The following SLCO2B1 variants were observed in gnomAD, a reference collection of about 807,000 sequenced individuals.
SLCO2B1 encodes the protein solute carrier organic anion transporter family member 2B1.
Under a neutral mutation model 67.3 loss-of-function variants are expected in SLCO2B1, and 41 were observed. The ratio of observed to expected loss-of-function variants is 0.61; its 90% CI spans 0.47 to 0.79. SLCO2B1 has a LOEUF of 0.79. SLCO2B1 is among the 30% of genes least tolerant of loss of function. SLCO2B1 has a pLI of 0.00. For synonymous variants in SLCO2B1, 379 were observed against 381.4 expected, an observed-to-expected ratio of 0.99 and a Z score of 0.07; for missense variants, 837 against 920.1, an observed-to-expected ratio of 0.91 and a Z score of 1.17.
chr11:75,159,800 G>A, intron 1 of SLCO2B1: 1 of 980,700 alleles, frequency 1.0e-6, no homozygotes, highest in Non-Finnish European at 1.2e-6. Context: ...ATCTCTAAAG[G>A]ATAAAGTACT....
intron 10 of SLCO2B1, among the ~76,000 whole-genome samples, chr11:75,197,822 T>C (rs1281885958): frequency 1.3e-5 from 2 of 152,186 alleles, no homozygotes; most frequent in African/African-American, 2.4e-5. Flanking sequence ...GAAGGCAATG[T>C]AATCAGCAGC....
intron 8 of SLCO2B1, among the ~76,000 whole-genome samples, chr11:75,190,736 G>T (rs1282829522): frequency 3.9e-5 from 6 of 152,166 alleles, no homozygotes; most frequent in Admixed American, 3.9e-4. Context: ...ATAGTCCCTA[G>T]ACTGAGGGAG....
Position 75,193,341 on chromosome 11 carries a change from G to T in SLCO2B1, c.1199G>T (p.Arg400Leu). 3 of 1,614,114 alleles carry T rather than the reference G, an allele frequency of 1.9e-6. No individual in the cohort carries two copies. The highest frequency in any genetic ancestry group is 2.5e-6 in the Non-Finnish European group (3 of 1,180,036). The change falls in exon 9 of 14, where the codon CGC becomes CTC. Residue 400 changes from arginine (R) to leucine (L), a missense_variant. By Grantham distance (102) the Arg-to-Leu change is moderately radical. Transcript: ENST00000289575. This position sits in a 1 kb window ranked among gnomAD's most constrained non-coding sequence, Gnocchi z 4.2. ...ACCTTCCTGCCCAAGTTCCTGGAGC[G>T]CCAGTTTTCCATCACAGCCTCCTAC... ...MATFLPKFLE[R>L]QFSITASYAN...
In SLCO2B1 at chr11:75,164,095, A is replaced by G. The variant is rs1431906824; in HGVS notation, c.280A>G (p.Asn94Asp). Residue 94 changes from asparagine (N) to aspartate (D), a missense_variant, in exon 3 of 14, where the codon AAC becomes GAC. Transcript: ENST00000289575. Reference protein sequence around the residue: ...SQTSGLLASFNEVGNTALIVF... With the variant: ...SQTSGLLASFDEVGNTALIVF... ...GACGTCGGGGCTGCTGGCCTCCTTC[A>G]ACGAGGTACAGGCCCCACCCAGCCA... 1 of 1,607,132 alleles carries G rather than the reference A, an allele frequency of 6.2e-7. No individual in the cohort carries two copies.
chr11:75,164,126 G>T (rs1949858288), intron 3 of SLCO2B1, 26 bp downstream of exon 3: 3 of 1,601,626 alleles, frequency 1.9e-6, no homozygotes, highest in South Asian at 1.1e-5. Context: ...AGCCACAGGG[G>T]TGGACACTGA....
chr11:75,200,588 G>T (rs1945167897), intron 11 of SLCO2B1: 2 of 516,060 alleles, frequency 3.9e-6, no homozygotes, highest in Admixed American at 3.7e-5. Flanking sequence ...AGAAAATTGA[G>T]GCTCAGAGAA....
intron 8 of SLCO2B1, among the ~76,000 whole-genome samples, chr11:75,190,373 C>G (rs1407682891): frequency 6.6e-6 from 1 of 152,222 alleles, no homozygotes; most frequent in East Asian, 1.9e-4. Flanking sequence ...CCTTGACCAC[C>G]TGGTGTCACA....
intron 1 of SLCO2B1, among the ~76,000 whole-genome samples, chr11:75,161,655 G>A (rs923062575): frequency 3.3e-5 from 5 of 152,312 alleles, no homozygotes; most frequent in East Asian, 1.9e-4. Context: ...AACTCCTGCC[G>A]GTGGTGAGAG....
intron 4 of SLCO2B1, among the ~76,000 whole-genome samples, chr11:75,168,839 C>T (rs1256913131): frequency 6.6e-6 from 1 of 152,196 alleles, no homozygotes; most frequent in Non-Finnish European, 1.5e-5. Context: ...CAAACTACAC[C>T]ACCTTTGACC....
At position 75,162,707 on chromosome 11, in the gene SLCO2B1, G is replaced by A; in HGVS notation, c.69G>A (p.Met23Ile). 6.2e-7 allele frequency: 1 copy of A among 1,613,664 alleles called. No individual in the cohort carries two copies. The highest frequency in any genetic ancestry group is 8.5e-7 in the Non-Finnish European group (1 of 1,179,922). Residue 23 changes from methionine (M) to isoleucine (I), a missense_variant, in exon 2 of 14, where the codon ATG (methionine) becomes ATA (isoleucine). Coordinates refer to ENST00000289575, the MANE Select transcript of SLCO2B1 (RefSeq NM_007256.5). The stretch of plus-strand genomic sequence containing the variant: ...CAGACAAGGAAACCAAAGCCACAAT[G>A]GGCACAGAAAACACACCTGGAGGCA... ...QVPDKETKAT[M>I]GTENTPGGKA...
intron 1 of SLCO2B1, among the ~76,000 whole-genome samples, chr11:75,156,551 G>A (rs1565530726): frequency 1.3e-5 from 2 of 152,174 alleles, no homozygotes; most frequent in South Asian, 2.1e-4. Flanking sequence ...ATTATCATGA[G>A]GAATGGATTG....
At chr11:75,167,763 G>C (rs1346923546) in intron 4 of SLCO2B1, among the ~76,000 whole-genome samples, 1 of 152,190 alleles carries the variant, frequency 6.6e-6, no homozygotes, top group East Asian at 1.9e-4. Flanking sequence ...TCACAAGTGA[G>C]GAAACCAAGG....
At chr11:75,198,812 G>C (rs1182969683) in intron 10 of SLCO2B1, among the ~76,000 whole-genome samples, 1 of 152,260 alleles carries the variant, frequency 6.6e-6, no homozygotes, top group Admixed American at 6.5e-5. Flanking sequence ...GAGTGCATGA[G>C]TGAATGAGGT....
At chr11:75,203,547 TTATA>T in intron 13 of SLCO2B1, 120 bp downstream of exon 13, 1 of 1,300,202 alleles carries the variant, frequency 7.7e-7, no homozygotes, top group South Asian at 1.3e-5. Flanking sequence ...ACAGGTGTCA[TTATA>T]TATTCAGTGC....
chr11:75,165,430 C>CAAA (rs56318055), intron 3 of SLCO2B1, among the ~76,000 whole-genome samples: 18 of 127,110 alleles, frequency 1.4e-4, no homozygotes, highest in African/African-American at 4.8e-4. Context: ...AATTCCGTCT[C>CAAA]AAAAAAAAAA....
rs1945061281 is a variant in SLCO2B1 at position 75,193,693 on chromosome 11, G to C, written c.1433+118G>C. On this transcript the variant is annotated intron_variant, in intron 9 of 13. Transcript: ENST00000289575. The surrounding 1 kb of genome is among the most constrained non-coding windows in gnomAD (Gnocchi z 4.2). ...CCCTGCCTCAAATCTTGCCTCCCCA[G>C]TTCTGCTTAACAGCCCTTTAGAGAT... The C allele has an allele frequency of 1.1e-6, 1 of 900,152 alleles. No homozygotes were observed. Among genetic ancestry groups the C allele is most frequent in the Non-Finnish European group, 1.6e-6 (1 of 607,606 alleles). 55.8% of individuals were successfully genotyped at this position (900,152 alleles called of 1,614,324 possible). A position where few individuals can be genotyped will look rare whatever the true frequency, so the allele number is the denominator to read the frequency against.
Position 75,169,329 on chromosome 11 carries a change from G to T in SLCO2B1, c.605G>T (p.Gly202Val). ...GTGGCACAGACCCTGCTGGGCGTGG[G>T]CGGGGTGCCCATTCAGCCCTTTGGC... ...MFVAQTLLGV[G>V]GVPIQPFGIS... Residue 202 changes from glycine (G) to valine (V), a missense_variant, in exon 5 of 14, where the codon GGC becomes GTC. Transcript: ENST00000289575. The T allele has an allele frequency of 6.2e-7, 1 of 1,614,074 alleles. No homozygotes were observed. Among genetic ancestry groups the T allele is most frequent in the Non-Finnish European group, 8.5e-7 (1 of 1,179,978 alleles).
chr11:75,186,509 GA>G (rs897328442), intron 7 of SLCO2B1, among the ~76,000 whole-genome samples: 1 of 150,872 alleles, frequency 6.6e-6, no homozygotes, highest in Non-Finnish European at 1.5e-5. Context: ...ACGCCCGACT[GA>G]TTTTTTTTTT....
In SLCO2B1 at chr11:75,202,978, C is replaced by T. The variant is rs371918122; in HGVS notation, c.1828+13C>T. On this transcript the variant is annotated intron_variant, in intron 12 of 13. Transcript: ENST00000289575. ...CTGAGGATTTTGGGTAAAGATCTTG[C>T]TTGGGACCATTGGTGGTGGTGATGG... 63 of 1,612,292 alleles carry T rather than the reference C, an allele frequency of 3.9e-5. No individual in the cohort carries two copies. The highest frequency in any genetic ancestry group is 5.1e-5 in the Non-Finnish European group (60 of 1,178,464).
Sources: allele counts gnomAD v4.1 joint callset (sites outside exome capture counted in the v4.1 genomes callset), GRCh38; gene constraint gnomAD v4.1.1; non-coding constraint Gnocchi (gnomAD v3.1); transcripts MANE v1.5; gene names NCBI Gene and HGNC (gene_info 2026-07-23, HGNC 2026-07-21).